The following TRPM3 variants were observed in gnomAD, a reference collection of about 807,000 sequenced individuals.
The protein encoded by TRPM3 is transient receptor potential cation channel subfamily M member 3.
In TRPM3, 77 loss-of-function variants were observed where a neutral mutation model predicts 181.2. The observed-to-expected ratio is 0.42, with a 90% CI of 0.35 to 0.51. The LOEUF (loss-of-function observed/expected upper bound fraction) is 0.51, where lower values mean the gene tolerates loss of function less well. Ranked by LOEUF, TRPM3 falls within the 20% of genes least tolerant of loss-of-function variation. TRPM3 has a pLI of 0.01. For missense variants in TRPM3, 1,759 were observed against 2,196.7 expected (o/e 0.80, Z 3.98); for synonymous variants, 745 against 796.4 (o/e 0.94, Z 1.09).
chr9:71,295,105 C>A (rs1375813194), intron 1 of TRPM3, among the ~76,000 whole-genome samples: 1 of 152,108 alleles, frequency 6.6e-6, no homozygotes, highest in Non-Finnish European at 1.5e-5. Flanking sequence ...TCTTGTTACA[C>A]ACACCTTTGT....
intron 1 of TRPM3, among the ~76,000 whole-genome samples, chr9:70,871,910 A>G (rs1031636812): frequency 1.3e-5 from 2 of 152,052 alleles, no homozygotes; most frequent in African/African-American, 2.4e-5. Flanking sequence ...AAAATACTAA[A>G]AAGTTTCTAC....
intron 8 of TRPM3, among the ~76,000 whole-genome samples, chr9:70,744,733 G>T (rs951634541): frequency 6.6e-6 from 1 of 152,150 alleles, no homozygotes; most frequent in Non-Finnish European, 1.5e-5. Flanking sequence ...CAACAAAATG[G>T]TCTTTTCTTT....
intron 1 of TRPM3, among the ~76,000 whole-genome samples, chr9:70,939,718 A>T (rs1335242661): frequency 6.6e-6 from 1 of 152,198 alleles, no homozygotes; most frequent in East Asian, 1.9e-4. Context: ...CTGAATTAGG[A>T]AATAGGGTTG....
chr9:71,322,481 C>G (rs1406459735), intron 1 of TRPM3, among the ~76,000 whole-genome samples: 1 of 152,082 alleles, frequency 6.6e-6, no homozygotes, highest in African/African-American at 2.4e-5. Context: ...TAAATAACAT[C>G]TCATCCAGTC....
At chr9:70,884,853 T>C (rs920696139) in intron 1 of TRPM3, among the ~76,000 whole-genome samples, 36 of 152,180 alleles carry the variant, frequency 2.4e-4, no homozygotes, top group Non-Finnish European at 4.3e-4. Flanking sequence ...CCCAGGAGTT[T>C]GTGAAAAATG....
At chr9:71,422,616 A>G (rs558486975) in intron 1 of TRPM3, among the ~76,000 whole-genome samples, 1 of 152,200 alleles carries the variant, frequency 6.6e-6, no homozygotes, top group South Asian at 2.1e-4. Context: ...TTCTAGTAGT[A>G]TATATACAAA....
chr9:71,121,680 C>T (rs2073666508), upstream of TRPM3: 2 of 1,084,696 alleles, frequency 1.8e-6, no homozygotes, highest in Non-Finnish European at 1.1e-6. Flanking sequence ...GGGGGGGAAC[C>T]GGGGCCATTG....
At chr9:70,873,445 C>T (rs2095823027) in intron 1 of TRPM3, among the ~76,000 whole-genome samples, 2 of 151,966 alleles carry the variant, frequency 1.3e-5, no homozygotes, top group Admixed American at 6.6e-5. Context: ...CTGGAAGTAT[C>T]TTTCTTCAAA....
intron 1 of TRPM3, among the ~76,000 whole-genome samples, chr9:71,240,472 A>G (rs1380570288): frequency 2.0e-5 from 3 of 152,192 alleles, no homozygotes; most frequent in Non-Finnish European, 4.4e-5. Flanking sequence ...AACCATGACT[A>G]TTAGCAACAG....
At chr9:71,032,101 TTA>T (rs1220051530) in intron 1 of TRPM3, among the ~76,000 whole-genome samples, 1 of 94,030 alleles carries the variant, frequency 1.1e-5, no homozygotes, top group African/African-American at 4.1e-5. Context: ...TTATATAATA[TTA>T]TATATATTAT....
At chr9:70,944,994 G>T (rs2096919163) in intron 1 of TRPM3, among the ~76,000 whole-genome samples, 1 of 152,002 alleles carries the variant, frequency 6.6e-6, no homozygotes, top group South Asian at 2.1e-4. Flanking sequence ...TTCAACAGAA[G>T]CAAGTGCTGT....
intron 1 of TRPM3, among the ~76,000 whole-genome samples, chr9:71,340,506 TAAG>T (rs986545107): frequency 2.0e-5 from 3 of 152,070 alleles, no homozygotes; most frequent in Non-Finnish European, 2.9e-5. Flanking sequence ...CTGATGGTTT[TAAG>T]AAGGAGAGTT....
At chr9:70,965,958 C>G (rs1414716908) in intron 1 of TRPM3, among the ~76,000 whole-genome samples, 1 of 150,774 alleles carries the variant, frequency 6.6e-6, no homozygotes, top group Non-Finnish European at 1.5e-5. Flanking sequence ...ACAGACGCTA[C>G]AGAATGGGAG....
intron 8 of TRPM3, among the ~76,000 whole-genome samples, chr9:70,699,477 T>TA (rs1177107991): frequency 6.6e-6 from 1 of 152,256 alleles, no homozygotes; most frequent in South Asian, 2.1e-4. Flanking sequence ...AGGCAACTTA[T>TA]AAAAAATCAA....
chr9:71,376,636 C>T (rs1430612433), intron 1 of TRPM3, among the ~76,000 whole-genome samples: 1 of 151,916 alleles, frequency 6.6e-6, no homozygotes, highest in Non-Finnish European at 1.5e-5. Context: ...AGCTATTTAT[C>T]GTCATTATTA....
Position 70,603,565 on chromosome 9 carries a change from C to T in TRPM3, c.2668-95G>A. ...GCACAGCAGCACAGAGCAGGGTCAG[C>T]AAGCAGGACACAGACTTTATGACAA... is the stretch of plus-strand genomic sequence containing the variant. On this transcript the variant is annotated intron_variant, in intron 19 of 25. Coordinates refer to ENST00000677713, the MANE Select transcript of TRPM3 (RefSeq NM_001366145.2). 2.2e-6 allele frequency: 3 copies of T among 1,375,408 alleles called. No homozygotes were observed. In the South Asian group the frequency reaches 4.4e-5, roughly 20 times the overall value. 85.2% of individuals were successfully genotyped at this position (1,375,408 alleles called of 1,614,324 possible).
Position 70,701,130 on chromosome 9 carries a change from T to C in TRPM3, c.1273-19552A>G, listed in dbSNP as rs954684030. ...TAGTCAAGTATGGGTTATCCATTAA[T>C]GCCAAATAAAAACAAGTGAATTCTC... is the stretch of plus-strand genomic sequence containing the variant. On this transcript the variant is annotated intron_variant, in intron 8 of 25. Coordinates refer to ENST00000677713, the MANE Select transcript of TRPM3 (RefSeq NM_001366145.2). Among the ~76,000 whole-genome samples the C allele has an allele frequency of 9.2e-5, 14 of 152,190 alleles. 1 individual carries two copies. Among genetic ancestry groups the C allele is most frequent in the African/African-American group, 3.4e-4 (14 of 41,458 alleles).
intron 1 of TRPM3, among the ~76,000 whole-genome samples, chr9:70,888,370 T>TGTGTGG (rs2096130553): frequency 1.4e-5 from 2 of 139,930 alleles, no homozygotes; most frequent in African/African-American, 5.6e-5. Flanking sequence ...GGGGTGTGTG[T>TGTGTGG]GTGTGTGTGT....
intron 1 of TRPM3, among the ~76,000 whole-genome samples, chr9:71,263,203 T>C (rs959738007): frequency 1.3e-5 from 2 of 152,230 alleles, no homozygotes; most frequent in Non-Finnish European, 2.9e-5. Flanking sequence ...ATAATTTTCA[T>C]ACCTTCATCT....
Sources: gnomAD v4.1 joint callset for allele counts (sites outside exome capture counted in the v4.1 genomes callset) on GRCh38, gnomAD v4.1.1 for gene constraint, MANE v1.5 for transcripts, NCBI Gene and HGNC (gene_info 2026-07-23, HGNC 2026-07-21) for gene names.